RTL4: variants seen among roughly 807,000 people sequenced by gnomAD.
RTL4 encodes retrotransposon Gag-like protein 4.
RTL4 carries 4 observed loss-of-function variants against 5.3 expected under a neutral mutation model. The ratio of observed to expected loss-of-function variants is 0.75; its 90% CI spans 0.37 to 1.72. RTL4 has a LOEUF of 1.72. Among genes scored for constraint, RTL4 ranks in the 40% most tolerant of loss-of-function variants. RTL4 has a pLI of 0.04. For missense variants in RTL4, 260 were observed against 227.1 expected (o/e 1.14, Z -0.93); for synonymous variants, 98 against 87.3 (o/e 1.12, Z -0.68).
At chrX:112,141,044 C>T in the RTL4 span, among the ~76,000 whole-genome samples, 76 of 112,003 alleles carry the variant, frequency 6.8e-4, no homozygotes, top group African/African-American at 2.4e-3. Flanking sequence ...TTGATTCTAT[C>T]TCAGAAATGC....
chrX:112,361,028 G>A, the RTL4 span, among the ~76,000 whole-genome samples: 2 of 111,444 alleles, frequency 1.8e-5, no homozygotes, highest in Non-Finnish European at 3.8e-5. Flanking sequence ...CCAAGACAAA[G>A]AAAGGACACA....
chrX:112,285,060 C>T, the RTL4 span, among the ~76,000 whole-genome samples: 6 of 111,885 alleles, frequency 5.4e-5, no homozygotes, highest in Non-Finnish European at 1.1e-4. Flanking sequence ...AAAACAATGG[C>T]CCAGTAAACA....
At chrX:112,204,896 C>G in the RTL4 span, among the ~76,000 whole-genome samples, 1 of 111,202 alleles carries the variant, frequency 9.0e-6, no homozygotes, top group Non-Finnish European at 1.9e-5. Flanking sequence ...ACATCGCATG[C>G]CTGGATTGAA....
the RTL4 span, among the ~76,000 whole-genome samples, chrX:112,392,135 G>A: frequency 1.8e-5 from 2 of 111,829 alleles, no homozygotes; most frequent in Admixed American, 1.9e-4. Context: ...TCTGAGGGTA[G>A]CAAGGGCAGT....
the RTL4 span, among the ~76,000 whole-genome samples, chrX:112,330,626 A>T: frequency 1.8e-5 from 2 of 110,853 alleles, no homozygotes; most frequent in East Asian, 2.8e-4. Context: ...AAGCTACCAA[A>T]GACTTTCTTC....
chrX:112,132,562 C>G, the RTL4 span, among the ~76,000 whole-genome samples: 2 of 112,047 alleles, frequency 1.8e-5, no homozygotes, highest in African/African-American at 6.5e-5. Flanking sequence ...TGGAGTTTCA[C>G]TGACCCCCTC....
At chrX:112,397,249 C>T in the RTL4 span, among the ~76,000 whole-genome samples, 1 of 112,032 alleles carries the variant, frequency 8.9e-6, no homozygotes, top group Non-Finnish European at 1.9e-5. Flanking sequence ...ATCCTATATA[C>T]ATTTTCCTGT....
chrX:112,400,076 T>G, the RTL4 span, among the ~76,000 whole-genome samples: 15 of 111,393 alleles, frequency 1.3e-4, 1 homozygote, highest in Admixed American at 1.1e-3. Context: ...TAATATTTAT[T>G]GTTCTTAGGG....
chrX:112,272,050 C>A, the RTL4 span, among the ~76,000 whole-genome samples: 1 of 111,952 alleles, frequency 8.9e-6, no homozygotes, highest in Admixed American at 9.5e-5. Flanking sequence ...TTAAGATCTA[C>A]TCTCTTAGCA....
the RTL4 span, among the ~76,000 whole-genome samples, chrX:112,165,655 A>G: frequency 9.0e-6 from 1 of 111,056 alleles, no homozygotes; most frequent in Non-Finnish European, 1.9e-5. Context: ...TATTCCCTGT[A>G]CTTTTTATTA....
chrX:112,297,198 G>A, the RTL4 span, among the ~76,000 whole-genome samples: 10 of 110,969 alleles, frequency 9.0e-5, no homozygotes, highest in Non-Finnish European at 1.5e-4. Context: ...ATCCCTTATC[G>A]TGGGAGCAAC....
At chrX:112,294,764 AATT>A in the RTL4 span, among the ~76,000 whole-genome samples, 5 of 111,910 alleles carry the variant, frequency 4.5e-5, no homozygotes, top group Admixed American at 3.8e-4. Context: ...TGTTCTTTGA[AATT>A]TTCTTGGTGT....
At chrX:112,428,104 G>C in the RTL4 span, among the ~76,000 whole-genome samples, 30 of 111,434 alleles carry the variant, frequency 2.7e-4, no homozygotes, top group Non-Finnish European at 4.5e-4. Context: ...ACATTATTTT[G>C]TTCTTTTTCA....
the RTL4 span, among the ~76,000 whole-genome samples, chrX:112,248,912 G>A: frequency 2.7e-5 from 3 of 112,332 alleles, no homozygotes; most frequent in African/African-American, 9.7e-5. Flanking sequence ...ATGATAGCAA[G>A]ATGGTACTAG....
the RTL4 span, among the ~76,000 whole-genome samples, chrX:112,363,088 T>C: frequency 9.1e-6 from 1 of 109,800 alleles, no homozygotes; most frequent in Non-Finnish European, 1.9e-5. Context: ...AGGGTAAAGG[T>C]GGGAGAGAAG....
At chrX:112,284,724 T>G in the RTL4 span, among the ~76,000 whole-genome samples, 1 of 111,758 alleles carries the variant, frequency 8.9e-6, no homozygotes, top group African/African-American at 3.2e-5. Flanking sequence ...CAGCCAGGCC[T>G]CTATGAGTCC....
chrX:112,423,628 G>A, the RTL4 span, among the ~76,000 whole-genome samples: 1 of 111,140 alleles, frequency 9.0e-6, no homozygotes, highest in Non-Finnish European at 1.9e-5. Context: ...AACATTTTGT[G>A]CTGTATTGAC....
chrX:112,351,778 G>A, the RTL4 span, among the ~76,000 whole-genome samples: 1 of 111,193 alleles, frequency 9.0e-6, no homozygotes, highest in African/African-American at 3.3e-5. Context: ...CATGAGATGG[G>A]TTTCCTGAAT....
chrX:112,411,497 C>T, the RTL4 span, among the ~76,000 whole-genome samples: 1 of 111,079 alleles, frequency 9.0e-6, no homozygotes, highest in African/African-American at 3.3e-5. Context: ...TTAAAGAGAT[C>T]ATTCAGAATG....
Sources: allele counts gnomAD v4.1 joint callset (sites outside exome capture counted in the v4.1 genomes callset), GRCh38; gene constraint gnomAD v4.1.1; transcripts MANE v1.5; gene names NCBI Gene and HGNC (gene_info 2026-07-23, HGNC 2026-07-21).